Variants in ZNF224 observed in about 807,000 individuals in gnomAD.
ZNF224 encodes bone marrow zinc finger 2.
Under a neutral mutation model 10.5 loss-of-function variants are expected in ZNF224, and 8 were observed. The ratio of observed to expected loss-of-function variants is 0.76; its 90% CI spans 0.45 to 1.37. The LOEUF is 1.37. Ranked by LOEUF, ZNF224 falls within the 40% of genes most tolerant of loss-of-function variation. The probability of loss-of-function intolerance (pLI) is 0.00; values close to 1 mark genes in which losing one functional copy is unlikely to be tolerated. For missense variants in ZNF224, 754 were observed against 854.0 expected (o/e 0.88, Z 1.46); for synonymous variants, 282 against 287.8 (o/e 0.98, Z 0.20).
At chr19:44,104,277 A>C (rs143033351) in intron 5 of ZNF224, among the ~76,000 whole-genome samples, 1,910 of 152,252 alleles carry the variant, frequency 0.013, 17 homozygotes, top group Non-Finnish European at 0.018. Context: ...AATATTATGA[A>C]TATGTAGATA....
At chr19:44,100,578 G>A (rs1326202863) in intron 3 of ZNF224, among the ~76,000 whole-genome samples, 1 of 152,162 alleles carries the variant, frequency 6.6e-6, no homozygotes, top group African/African-American at 2.4e-5. Flanking sequence ...ATTGCACGAA[G>A]TAAAAATACA....
chr19:44,102,656 T>C (rs552638597), intron 5 of ZNF224, among the ~76,000 whole-genome samples: 3 of 152,346 alleles, frequency 2.0e-5, no homozygotes, highest in Admixed American at 6.5e-5. Context: ...CCACATCCCA[T>C]GGAAACTTCT....
chr19:44,099,824 A>T (rs563555976), intron 3 of ZNF224, among the ~76,000 whole-genome samples: 5,420 of 147,486 alleles, frequency 0.037, 189 homozygotes, highest in Non-Finnish European at 0.051. Context: ...GAAGTTAGGT[A>T]AAAAAAAAAA....
chr19:44,109,561 C>A lies in ZNF224; in HGVS notation c.*1277C>A, dbSNP rs1248470622. On this transcript the variant is annotated 3_prime_UTR_variant, in exon 6 of 6. Coordinates refer to ENST00000693561, the MANE Select transcript of ZNF224 (RefSeq NM_001321645.3). Reference sequence around the variant, plus strand: ...ACATGCCAGAATGTATAAGGTGCAACTGTTTGATATGAAAACCATAGGATA... The same window carrying A: ...ACATGCCAGAATGTATAAGGTGCAAATGTTTGATATGAAAACCATAGGATA... 1 of 152,106 alleles carries A rather than the reference C, an allele frequency of 6.6e-6. No individual in the cohort carries two copies. The highest frequency in any genetic ancestry group is 2.4e-5 in the African/African-American group (1 of 41,420). 9.4% of individuals were successfully genotyped at this position (152,106 alleles called of 1,614,324 possible). A position where few individuals can be genotyped will look rare whatever the true frequency, so the allele number is the denominator to read the frequency against.
chr19:44,100,822 G>A lies in ZNF224; in HGVS notation c.37G>A (p.Val13Met), dbSNP rs755883022. Residue 13 changes from valine (V) to methionine (M), a missense_variant, in exon 4 of 6, where the codon GTG (valine) becomes ATG (methionine). Val to Met is a conservative substitution (Grantham distance 21). Transcript: ENST00000693561. ...TFKEAMTFKD[V>M]AVVFTEEELG... ...ATAGGAGGCAATGACCTTCAAGGAC[G>A]TGGCTGTGGTCTTCACTGAGGAAGA... 62 of 1,613,812 alleles carry A rather than the reference G, an allele frequency of 3.8e-5. No individual in the cohort carries two copies. The highest frequency in any genetic ancestry group is 4.7e-5 in the Non-Finnish European group (56 of 1,179,922).
rs1967662316 is a variant in ZNF224 at position 44,106,436 on chromosome 19, AG to A, written c.278del (p.Gly93GlufsTer19). ...QTEMETVSEA[G>X]THQEWSFQQI... The stretch of plus-strand genomic sequence containing the variant: ...CTGAGATGGAGACTGTTTCAGAAGC[AG>A]GAACACATCAAGAGTGGTCCTTCCA... On this transcript the variant is annotated frameshift_variant, in exon 6 of 6. Coordinates refer to ENST00000693561, the MANE Select transcript of ZNF224 (RefSeq NM_001321645.3). LOFTEE classifies it low-confidence loss of function (END_TRUNC). The A allele has an allele frequency of 6.2e-7, 1 of 1,614,088 alleles. No individual in the cohort carries two copies. The highest frequency in any genetic ancestry group is 8.5e-7 in the Non-Finnish European group (1 of 1,180,036).
At position 44,107,171 on chromosome 19, in the gene ZNF224, C is replaced by T; in HGVS notation, c.1011C>T (p.Ile337=). 1 of 1,605,828 alleles carries T rather than the reference C, an allele frequency of 6.2e-7. No homozygotes were observed. Among genetic ancestry groups the T allele is most frequent in the Non-Finnish European group, 8.5e-7 (1 of 1,176,062 alleles). ...QRSALNSHRM[I]HTGEKPYKCE... ...CAGCACTTAATAGTCATCGCATGAT[C>T]CACACAGGAGAGAAACCATACAAAT... Residue 337 remains isoleucine (I), a synonymous_variant, in exon 6 of 6, where the codon ATC becomes ATT. Transcript: ENST00000693561.
intron 3 of ZNF224, among the ~76,000 whole-genome samples, chr19:44,098,364 A>T (rs1300099234): frequency 6.6e-6 from 1 of 152,184 alleles, no homozygotes; most frequent in African/African-American, 2.4e-5. Context: ...GCTACTTTTG[A>T]TGTGTGCCAC....
Position 44,106,931 on chromosome 19 carries a change from G to A in ZNF224, c.771G>A (p.Glu257=). The change falls in exon 6 of 6, where the codon GAG becomes GAA. Residue 257 remains glutamate, a synonymous_variant. Transcript: ENST00000693561. ...LNVHHKLHTG[E]KPYNCEECGK... The stretch of plus-strand genomic sequence containing the variant: ...TTCATCATAAATTACACACAGGAGA[G>A]AAACCTTATAATTGTGAGGAATGCG... 1 of 1,609,176 alleles carries A rather than the reference G, an allele frequency of 6.2e-7. No individual in the cohort carries two copies. The highest frequency in any genetic ancestry group is 8.5e-7 in the Non-Finnish European group (1 of 1,177,056).
At position 44,107,123 on chromosome 19, in the gene ZNF224, T is replaced by C. The variant is rs750698433; in HGVS notation, c.963T>C (p.Cys321=). The change falls in exon 6 of 6, where the codon TGT becomes TGC. Residue 321 remains cysteine, a synonymous_variant. Coordinates refer to ENST00000693561, the MANE Select transcript of ZNF224 (RefSeq NM_001321645.3). ...AGAAACCATTCCGATGTGATACGTG[T>C]GATAAGAGCTTTCGTCAGAGATCAG... ...TAEKPFRCDT[C]DKSFRQRSAL... The C allele has an allele frequency of 6.2e-7, 1 of 1,605,914 alleles. No individual in the cohort carries two copies.
At chr19:44,096,772 AC>A (rs1469924221) in intron 2 of ZNF224, among the ~76,000 whole-genome samples, 2 of 152,150 alleles carry the variant, frequency 1.3e-5, no homozygotes, top group Non-Finnish European at 1.5e-5. Flanking sequence ...AGGATTCTAC[AC>A]CCTTTGTCTT....
At position 44,107,360 on chromosome 19, in the gene ZNF224, C is replaced by A. The variant is rs143646781; in HGVS notation, c.1200C>A (p.Phe400Leu). 4 of 1,596,196 alleles carry A rather than the reference C, an allele frequency of 2.5e-6. No homozygotes were observed. The highest frequency in any genetic ancestry group is 3.4e-6 in the Non-Finnish European group (4 of 1,172,656). ...GAGTCCACAGTGGAGAAAAACCATT[C>A]AAATGTGAAGAATGTGGGAAAGGAT... Reference protein sequence around the residue: ...HQRVHSGEKPFKCEECGKGFY... With the variant: ...HQRVHSGEKPLKCEECGKGFY... Residue 400 changes from phenylalanine to leucine, a missense_variant, in exon 6 of 6, where the codon TTC becomes TTA. By Grantham distance (22) the Phe-to-Leu change is conservative. Transcript: ENST00000693561.
chr19:44,100,845 A>G lies in ZNF224; in HGVS notation c.60A>G (p.Glu20=). 6.2e-7 allele frequency: 1 copy of G among 1,614,098 alleles called. No homozygotes were observed. Among genetic ancestry groups the G allele is most frequent in the Non-Finnish European group, 8.5e-7 (1 of 1,179,994 alleles). Residue 20 remains glutamate (E), a synonymous_variant, in exon 4 of 6, where the codon GAA becomes GAG. Coordinates refer to ENST00000693561, the MANE Select transcript of ZNF224 (RefSeq NM_001321645.3). ...FKDVAVVFTE[E]ELGLLDLAQR... is the part of the protein sequence containing the mutation. Reference sequence around the variant, plus strand: ...ACGTGGCTGTGGTCTTCACTGAGGAAGAGCTGGGGCTGCTGGACCTTGCTC... The same window carrying G: ...ACGTGGCTGTGGTCTTCACTGAGGAGGAGCTGGGGCTGCTGGACCTTGCTC...
At position 44,107,036 on chromosome 19, in the gene ZNF224, A is replaced by G. The variant is rs780833577; in HGVS notation, c.876A>G (p.Ile292Met). Reference sequence around the variant, plus strand: ...GGGAGAAGCCATTCAAATGTGATATATGTGGTAAGAGCTTCTGTGGTAGAT... The same window carrying G: ...GGGAGAAGCCATTCAAATGTGATATGTGTGGTAAGAGCTTCTGTGGTAGAT... Reference protein sequence around the residue: ...HTGEKPFKCDICGKSFCGRSR... With the variant: ...HTGEKPFKCDMCGKSFCGRSR... Residue 292 changes from isoleucine (I) to methionine (M), a missense_variant, in exon 6 of 6, where the codon ATA becomes ATG. Transcript: ENST00000693561. 2 of 1,604,332 alleles carry G rather than the reference A, an allele frequency of 1.2e-6. No individual in the cohort carries two copies. The highest frequency in any genetic ancestry group is 2.2e-5 in the East Asian group (1 of 44,834).
In ZNF224 at chr19:44,102,355, T is replaced by C. The variant is rs547884360; in HGVS notation, c.235+1130T>C. Among the ~76,000 whole-genome samples the C allele has an allele frequency of 7.9e-5, 12 of 152,376 alleles. No homozygotes were observed. The South Asian group carries it at 2.3e-3, about 29-fold the overall frequency. Reference sequence around the variant, plus strand: ...CTTCTGTTTATCTGTCACTTCTACATGCTGGACTATAATGTCTAAGGAATT... The same window carrying C: ...CTTCTGTTTATCTGTCACTTCTACACGCTGGACTATAATGTCTAAGGAATT... On this transcript the variant is annotated intron_variant, in intron 5 of 5. Coordinates refer to ENST00000693561, the MANE Select transcript of ZNF224 (RefSeq NM_001321645.3).
chr19:44,106,215 A>G (rs1599665107), intron 5 of ZNF224, 181 bp from the exon 6 acceptor site: 1 of 628,468 alleles, frequency 1.6e-6, no homozygotes, highest in East Asian at 2.8e-5. Context: ...TATTTTACAT[A>G]TGATACTTGG....
rs765276064 is a variant in ZNF224, at chr19:44,107,466, G to C, written c.1306G>C (p.Gly436Arg). The change falls in exon 6 of 6, where the codon GGC (glycine) becomes CGC (arginine). Residue 436 changes from glycine to arginine, a missense_variant. Physicochemically the swap from Gly to Arg is moderately radical, Grantham distance 125 (BLOSUM62 -2). Coordinates refer to ENST00000693561, the MANE Select transcript of ZNF224 (RefSeq NM_001321645.3). ...ATACAAATGTGTGGAGTGTGGGAAG[G>C]GCTACAAAAGGAGGTTGGATCTTGA... ...KPYKCVECGK[G>R]YKRRLDLDFH... The C allele has an allele frequency of 5.0e-6, 8 of 1,605,288 alleles. No homozygotes were observed. The South Asian group carries it at 8.9e-5, about 18-fold the overall frequency.
chr19:44,108,855 A>G lies in ZNF224; in HGVS notation c.*571A>G, dbSNP rs1967765402. On this transcript the variant is annotated 3_prime_UTR_variant, in exon 6 of 6. Transcript: ENST00000693561. ...CCTGCAAAAAATAATTCTGGGAAAC[A>G]TGAGTTGAAATGCAGAGTAAACTCA... 2 of 386,210 alleles carry G rather than the reference A, an allele frequency of 5.2e-6. No individual in the cohort carries two copies. Among genetic ancestry groups the G allele is most frequent in the African/African-American group, 2.0e-5 (1 of 48,854 alleles). 23.9% of individuals were successfully genotyped at this position (386,210 alleles called of 1,614,324 possible).
chr19:44,106,179 G>A, intron 5 of ZNF224: 1 of 575,682 alleles, frequency 1.7e-6, no homozygotes, highest in Non-Finnish European at 3.0e-6. Context: ...AACATCTATT[G>A]TTTTTCGTCT....
Sources: gnomAD v4.1 joint callset for allele counts (sites outside exome capture counted in the v4.1 genomes callset) on GRCh38, gnomAD v4.1.1 for gene constraint, MANE v1.5 for transcripts, NCBI Gene and HGNC (gene_info 2026-07-23, HGNC 2026-07-21) for gene names.